The following PTPN9 variants were observed in gnomAD, a reference collection of about 807,000 sequenced individuals.
The protein encoded by PTPN9 is protein tyrosine phosphatase non-receptor type 9.
A neutral mutation model predicts 69.8 loss-of-function variants in PTPN9; 26 were observed. The ratio of observed to expected loss-of-function variants is 0.37; its 90% confidence interval spans 0.27 to 0.52. PTPN9 has a LOEUF of 0.52. Ranked by LOEUF, PTPN9 falls within the 20% of genes least tolerant of loss-of-function variation. PTPN9 has a pLI of 0.91. For missense variants in PTPN9, 549 were observed against 740.3 expected (o/e 0.74, Z 3.00); for synonymous variants, 274 against 272.5 (o/e 1.01, Z -0.05).
At chr15:75,525,704 G>T (rs979708797) in intron 2 of PTPN9, among the ~76,000 whole-genome samples, 4 of 151,416 alleles carry the variant, frequency 2.6e-5, no homozygotes, top group Non-Finnish European at 5.9e-5. Flanking sequence ...GATCACTTGA[G>T]CTCAGGAGTT....
intron 1 of PTPN9, among the ~76,000 whole-genome samples, chr15:75,573,049 C>A (rs1178408395): frequency 1.3e-5 from 2 of 152,122 alleles, no homozygotes; most frequent in African/African-American, 4.8e-5. Context: ...CTATTTTATA[C>A]CCACTTAGGC....
At chr15:75,549,444 T>C (rs2075047481) in intron 1 of PTPN9, among the ~76,000 whole-genome samples, 1 of 151,810 alleles carries the variant, frequency 6.6e-6, no homozygotes, top group African/African-American at 2.4e-5. Context: ...TCAAGCGATC[T>C]GCCTACCTCA....
intron 6 of PTPN9, among the ~76,000 whole-genome samples, chr15:75,506,759 C>G: frequency 6.6e-6 from 1 of 152,072 alleles, no homozygotes; most frequent in East Asian, 1.9e-4. Context: ...ACTGGTTCTC[C>G]TTAGGATCTC....
At chr15:75,514,457 T>C (rs2074859797) in intron 5 of PTPN9, among the ~76,000 whole-genome samples, 2 of 152,270 alleles carry the variant, frequency 1.3e-5, no homozygotes, top group African/African-American at 2.4e-5. Flanking sequence ...CACATGCCTG[T>C]AATTCTAGCT....
At chr15:75,557,620 C>T in intron 1 of PTPN9, among the ~76,000 whole-genome samples, 1 of 152,082 alleles carries the variant, frequency 6.6e-6, no homozygotes, top group East Asian at 1.9e-4. Context: ...TTTTATATTC[C>T]TAACAGCAAT....
intron 1 of PTPN9, among the ~76,000 whole-genome samples, chr15:75,552,706 G>A (rs2075061361): frequency 6.7e-6 from 1 of 150,078 alleles, no homozygotes; most frequent in Non-Finnish European, 1.5e-5. Context: ...TTCAACTTAC[G>A]ATGGGTCTAT....
intron 1 of PTPN9, among the ~76,000 whole-genome samples, chr15:75,538,833 G>A (rs2074996325): frequency 6.6e-6 from 1 of 152,056 alleles, no homozygotes; most frequent in Non-Finnish European, 1.5e-5. Flanking sequence ...AATATTTGTA[G>A]GATACACAAA....
intron 1 of PTPN9, among the ~76,000 whole-genome samples, chr15:75,568,431 C>T (rs1595972853): frequency 6.7e-6 from 1 of 149,214 alleles, no homozygotes; most frequent in Non-Finnish European, 1.5e-5. Flanking sequence ...TTCCTTGGGC[C>T]AGGGAGGTCA....
At chr15:75,470,265 C>T (rs2074557070) in intron 11 of PTPN9, among the ~76,000 whole-genome samples, 1 of 152,192 alleles carries the variant, frequency 6.6e-6, no homozygotes, top group African/African-American at 2.4e-5. Context: ...AGTGCAGTGG[C>T]ACGATCAAAC....
At chr15:75,552,201 C>T (rs1443242792) in intron 1 of PTPN9, among the ~76,000 whole-genome samples, 1 of 151,324 alleles carries the variant, frequency 6.6e-6, no homozygotes, top group Non-Finnish European at 1.5e-5. Flanking sequence ...GAGTTCGAGA[C>T]CAGCCTGACC....
intron 1 of PTPN9, among the ~76,000 whole-genome samples, chr15:75,566,913 C>CT (rs1447273030): frequency 6.6e-6 from 1 of 152,088 alleles, no homozygotes; most frequent in Non-Finnish European, 1.5e-5. Flanking sequence ...TCGCTTGAGC[C>CT]TGGGAGGTCA....
chr15:75,503,598 G>GA, intron 7 of PTPN9, among the ~76,000 whole-genome samples: 1 of 45,988 alleles, frequency 2.2e-5, no homozygotes, highest in Non-Finnish European at 4.1e-5. Flanking sequence ...GGAGGTGGGG[G>GA]GGTCAGCCCC....
chr15:75,504,239 C>A (rs2074799111), intron 7 of PTPN9, among the ~76,000 whole-genome samples: 9 of 136,082 alleles, frequency 6.6e-5, no homozygotes, highest in African/African-American at 1.4e-4. Flanking sequence ...CGGCCAGCCG[C>A]CCCGTCCGGG....
At chr15:75,511,771 C>T (rs80006955) in intron 5 of PTPN9, among the ~76,000 whole-genome samples, 9 of 152,184 alleles carry the variant, frequency 5.9e-5, no homozygotes, top group Non-Finnish European at 1.2e-4. Context: ...AACCATGTAA[C>T]CATCATTCTG....
intron 1 of PTPN9, among the ~76,000 whole-genome samples, chr15:75,570,549 T>C (rs938884824): frequency 2.0e-5 from 3 of 151,782 alleles, no homozygotes; most frequent in African/African-American, 7.3e-5. Flanking sequence ...GCAGGAGGAT[T>C]GCTTGAGCTT....
Position 75,469,886 on chromosome 15 carries a change from C to T in PTPN9, c.1473G>A (p.Gln491=). Residue 491 remains glutamine, a synonymous_variant, in exon 12 of 13, where the codon CAG becomes CAA. Coordinates refer to ENST00000618819, the MANE Select transcript of PTPN9 (RefSeq NM_002833.4). The part of the protein sequence containing the change: ...IDFLRVVRNQ[Q]SLAVSNMGAR... ...CTCCCATGTTGCTCACAGCCAGACT[C>T]TGCTGGTTTCTGACCACTCTCAAGA... is the stretch of plus-strand genomic sequence containing the variant. 7 of 1,614,218 alleles carry T rather than the reference C, an allele frequency of 4.3e-6. No homozygotes were observed. The highest frequency in any genetic ancestry group is 5.1e-6 in the Non-Finnish European group (6 of 1,180,054).
chr15:75,554,070 T>C (rs959429720), intron 1 of PTPN9, among the ~76,000 whole-genome samples: 15 of 150,180 alleles, frequency 1.0e-4, no homozygotes, highest in African/African-American at 2.2e-4. Flanking sequence ...GGCTGGAGTA[T>C]TGCAGTGGCA....
In PTPN9 at chr15:75,463,284, A is replaced by AT. The variant is rs34825676; in HGVS notation, c.*5484dup. 6.6e-6 allele frequency: 1 copy of AT among 152,186 alleles called. No individual in the cohort carries two copies. Among genetic ancestry groups the AT allele is most frequent in the African/African-American group, 2.4e-5 (1 of 41,444 alleles). The allele number at this position is 152,186 out of a possible 1,614,324, so 9.4% of individuals were successfully genotyped here. A position where few individuals can be genotyped will look rare whatever the true frequency, so the allele number is the denominator to read the frequency against. ...ACAGAAAATTTTTTATTAAAAATACATTTTTTCACAGAAGAAAATTCATTA... is the reference window on the plus strand; with the variant it reads ...ACAGAAAATTTTTTATTAAAAATACATTTTTTTCACAGAAGAAAATTCATTA... On this transcript the variant is annotated 3_prime_UTR_variant, in exon 13 of 13. Coordinates refer to ENST00000618819, the MANE Select transcript of PTPN9 (RefSeq NM_002833.4).
intron 1 of PTPN9, among the ~76,000 whole-genome samples, chr15:75,557,387 T>G (rs954484031): frequency 6.6e-6 from 1 of 151,330 alleles, no homozygotes. Context: ...ATCACACCAT[T>G]GCACTCCAGC....
Sources: gnomAD v4.1 joint callset for allele counts (sites outside exome capture counted in the v4.1 genomes callset) on GRCh38, gnomAD v4.1.1 for gene constraint, MANE v1.5 for transcripts, NCBI Gene and HGNC (gene_info 2026-07-23, HGNC 2026-07-21) for gene names.